CPVL: variants seen among roughly 807,000 people sequenced by gnomAD.
CPVL encodes carboxypeptidase vitellogenic like.
Under a neutral mutation model 63.7 loss-of-function variants are expected in CPVL, and 51 were observed. The ratio of observed to expected loss-of-function variants is 0.80; its 90% CI spans 0.64 to 1.01. CPVL has a LOEUF of 1.01. CPVL is among the 50% of genes least tolerant of loss of function. The probability of loss-of-function intolerance (pLI) is 0.00; values close to 1 mark genes in which losing one functional copy is unlikely to be tolerated. For missense variants in CPVL, 530 were observed against 573.1 expected (o/e 0.92, Z 0.77); for synonymous variants, 195 against 206.0 (o/e 0.95, Z 0.46).
At chr7:29,183,759 G>A (rs1798360496) in intron 4 of CPVL, among the ~76,000 whole-genome samples, 1 of 152,082 alleles carries the variant, frequency 6.6e-6, no homozygotes, top group Non-Finnish European at 1.5e-5. Context: ...TATATGTATA[G>A]GATATATGAT....
At chr7:29,061,060 T>C (rs1791225419) in intron 11 of CPVL, among the ~76,000 whole-genome samples, 1 of 152,200 alleles carries the variant, frequency 6.6e-6, no homozygotes, top group African/African-American at 2.4e-5. Context: ...TTTATGGAAA[T>C]ATGGTTTATC....
intron 1 of CPVL, among the ~76,000 whole-genome samples, chr7:29,187,785 C>T (rs907575729): frequency 1.3e-5 from 2 of 152,078 alleles, no homozygotes; most frequent in South Asian, 4.1e-4. Context: ...CATCCACTCT[C>T]TCCCCAGGAA....
At chr7:29,029,886 T>C (rs944406667) in intron 12 of CPVL, among the ~76,000 whole-genome samples, 1 of 152,200 alleles carries the variant, frequency 6.6e-6, no homozygotes. Context: ...ATTAAATACA[T>C]GTATCAAAAT....
At chr7:28,998,865 T>G (rs1468149927) in intron 12 of CPVL, among the ~76,000 whole-genome samples, 2 of 151,992 alleles carry the variant, frequency 1.3e-5, no homozygotes, top group Admixed American at 1.3e-4. Context: ...GAACATGGTG[T>G]TCCTACATTT....
intron 12 of CPVL, among the ~76,000 whole-genome samples, chr7:29,024,929 AAG>A (rs1787343373): frequency 6.6e-6 from 1 of 152,214 alleles, no homozygotes; most frequent in South Asian, 2.1e-4. Flanking sequence ...ATAAATGAGA[AAG>A]AGAAAAGATT....
chr7:29,174,662 A>G (rs1188634038), intron 5 of CPVL, among the ~76,000 whole-genome samples: 1 of 152,142 alleles, frequency 6.6e-6, no homozygotes, highest in Non-Finnish European at 1.5e-5. Flanking sequence ...GGAGTTCGAG[A>G]TCAGCCTGGC....
At chr7:29,165,829 T>A (rs1176970801) in intron 5 of CPVL, among the ~76,000 whole-genome samples, 1 of 152,248 alleles carries the variant, frequency 6.6e-6, no homozygotes, top group Admixed American at 6.5e-5. Context: ...TGTATTAATA[T>A]GGTGAATTAC....
rs1008634280 is a variant in CPVL, at chr7:29,146,385, T to A, written c.-11+44A>T. 3 of 739,458 alleles carry A rather than the reference T, an allele frequency of 4.1e-6. No homozygotes were observed. In the Admixed American group the frequency reaches 9.8e-5, roughly 24 times the overall value. The allele number at this position is 739,458 out of a possible 1,614,324, so 45.8% of individuals were successfully genotyped here. A position where few individuals can be genotyped will look rare whatever the true frequency, so the allele number is the denominator to read the frequency against. On this transcript the variant is annotated intron_variant, in intron 1 of 12. Coordinates refer to ENST00000265394, the MANE Select transcript of CPVL (RefSeq NM_031311.5). Reference sequence around the variant, plus strand: ...TCCGAGGGACCGAGGCGAGGACCTGTCCCGCTGAGCTGGCACGACCCACGC... The same window carrying A: ...TCCGAGGGACCGAGGCGAGGACCTGACCCGCTGAGCTGGCACGACCCACGC...
chr7:29,168,061 A>G (rs1207583418), intron 5 of CPVL, among the ~76,000 whole-genome samples: 2 of 152,216 alleles, frequency 1.3e-5, no homozygotes, highest in African/African-American at 2.4e-5. Context: ...TTTTGTTGGT[A>G]TGATTCTTGG....
At position 29,071,317 on chromosome 7, in the gene CPVL, C is replaced by T. The variant is rs559542995; in HGVS notation, c.864+456G>A. Among the ~76,000 whole-genome samples, 4 of 152,322 alleles carry T rather than the reference C, an allele frequency of 2.6e-5. 1 individual carries two copies. In the South Asian group the frequency reaches 6.2e-4, roughly 24 times the overall value. The stretch of plus-strand genomic sequence containing the variant: ...CACTTTATAATCTTTGTTCCTGACA[C>T]GTGTGTCACATGTCATCTGTTACAC... On this transcript the variant is annotated intron_variant, in intron 9 of 12. Transcript: ENST00000265394.
At chr7:29,031,002 T>C (rs1350820291) in intron 11 of CPVL, among the ~76,000 whole-genome samples, 3 of 152,238 alleles carry the variant, frequency 2.0e-5, no homozygotes, top group Non-Finnish European at 4.4e-5. Flanking sequence ...TGTGTTGTAT[T>C]ACTCAGTGAT....
At chr7:28,996,750 G>T (rs1332121393) in intron 12 of CPVL, among the ~76,000 whole-genome samples, 1 of 152,010 alleles carries the variant, frequency 6.6e-6, no homozygotes, top group Non-Finnish European at 1.5e-5. Flanking sequence ...TCACATAAGG[G>T]TGCCTCTATG....
At chr7:29,145,257 C>T (rs565158315) in intron 1 of CPVL, among the ~76,000 whole-genome samples, 4 of 111,114 alleles carry the variant, frequency 3.6e-5, no homozygotes, top group African/African-American at 1.4e-4. Flanking sequence ...TCTTACTCAT[C>T]CCAAAGCAAA....
At chr7:29,129,527 T>G (rs1168887837) in intron 1 of CPVL, among the ~76,000 whole-genome samples, 1 of 150,936 alleles carries the variant, frequency 6.6e-6, no homozygotes, top group Admixed American at 6.6e-5. Flanking sequence ...TGGAGTGCAG[T>G]GGCACGATCG....
intron 12 of CPVL, chr7:29,008,881 G>C (rs1785487089): frequency 1.3e-5 from 2 of 152,104 alleles, no homozygotes; most frequent in South Asian, 4.1e-4. Context: ...GGAATTTTGT[G>C]AGAAAAAGAT....
upstream of CPVL, among the ~76,000 whole-genome samples, chr7:29,149,971 C>T (rs1562795218): frequency 6.6e-6 from 1 of 152,248 alleles, no homozygotes; most frequent in African/African-American, 2.4e-5. Context: ...CACTTCACTG[C>T]TGCAATAGAT....
At chr7:29,056,978 TCTCA>T (rs1490207228) in intron 11 of CPVL, among the ~76,000 whole-genome samples, 1 of 123,588 alleles carries the variant, frequency 8.1e-6, no homozygotes, top group Non-Finnish European at 1.6e-5. Flanking sequence ...TGAGACAGGG[TCTCA>T]CTCTGTTGCC....
chr7:29,164,016 T>C (rs545203299), intron 5 of CPVL, among the ~76,000 whole-genome samples: 1 of 152,352 alleles, frequency 6.6e-6, no homozygotes, highest in South Asian at 2.1e-4. Context: ...ATGCTTTCGT[T>C]TCTCTTGGGT....
At chr7:29,123,628 A>AAAAAAAAATAT (rs1562780901) in intron 1 of CPVL, among the ~76,000 whole-genome samples, 2 of 41,752 alleles carry the variant, frequency 4.8e-5, no homozygotes, top group Non-Finnish European at 7.9e-5. Flanking sequence ...AAAAAAAAAA[A>AAAAAAAAATAT]ATATATATAT....
Sources: allele counts gnomAD v4.1 joint callset (sites outside exome capture counted in the v4.1 genomes callset), GRCh38; gene constraint gnomAD v4.1.1; transcripts MANE v1.5; gene names NCBI Gene and HGNC (gene_info 2026-07-23, HGNC 2026-07-21).